The following DYNC2LI1 variants were observed in gnomAD, a reference collection of about 807,000 sequenced individuals.
DYNC2LI1 encodes dynein cytoplasmic 2 light intermediate chain 1.
DYNC2LI1 carries 45 observed loss-of-function variants against 51.9 expected under a neutral mutation model. The ratio of observed to expected loss-of-function variants is 0.87; its 90% CI spans 0.68 to 1.11. The LOEUF (loss-of-function observed/expected upper bound fraction) is 1.11. Ranked by LOEUF, DYNC2LI1 falls within the 50% of genes most tolerant of loss-of-function variation. The probability of loss-of-function intolerance (pLI) is 0.00; values close to 1 mark genes in which losing one functional copy is unlikely to be tolerated. For synonymous variants in DYNC2LI1, 130 were observed against 137.8 expected (o/e 0.94, Z 0.40); for missense variants, 490 against 417.4 (o/e 1.17, Z -1.51).
intron 12 of DYNC2LI1, among the ~76,000 whole-genome samples, chr2:43,807,502 AGAT>A (rs755488753): frequency 3.3e-5 from 5 of 151,684 alleles, no homozygotes; most frequent in Non-Finnish European, 5.9e-5. Context: ...TGCAATGGGG[AGAT>A]CATGGCTCAC....
chr2:43,793,019 A>C (rs1258753943), intron 5 of DYNC2LI1: 3 of 366,714 alleles, frequency 8.2e-6, no homozygotes, highest in African/African-American at 4.3e-5. Context: ...TTAGACTCAG[A>C]AGTGGAATTG....
chr2:43,792,665 T>A, intron 5 of DYNC2LI1: 1 of 1,540,214 alleles, frequency 6.5e-7, no homozygotes, highest in Non-Finnish European at 8.7e-7. Context: ...TCCTTGTTTT[T>A]CCTTCCCCAG....
chr2:43,795,571 A>G (rs149885841), intron 6 of DYNC2LI1, among the ~76,000 whole-genome samples: 267 of 152,304 alleles, frequency 1.8e-3, no homozygotes, highest in African/African-American at 5.8e-3. Context: ...TATGCTGGAT[A>G]AATGCTGTTC....
At position 43,795,955 on chromosome 2, in the gene DYNC2LI1, T is replaced by C. The variant is rs1674017663; in HGVS notation, c.573T>C (p.Phe191=). Residue 191 remains phenylalanine, a synonymous_variant, in exon 7 of 13, where the codon TTT becomes TTC. Coordinates refer to ENST00000260605, the MANE Select transcript of DYNC2LI1 (RefSeq NM_016008.4). ...LVIIGSKYDV[F]QDFESEKRKV... Reference sequence around the variant, plus strand: ...TAATTGGAAGTAAATATGATGTTTTTCAGGTAAGCTCTTCCGCTTCTAGCT... The same window carrying C: ...TAATTGGAAGTAAATATGATGTTTTCCAGGTAAGCTCTTCCGCTTCTAGCT... The C allele has an allele frequency of 6.2e-7, 1 of 1,612,016 alleles. No homozygotes were observed. The highest frequency in any genetic ancestry group is 8.5e-7 in the Non-Finnish European group (1 of 1,178,232).
At chr2:43,817,595 G>A in the DYNC2LI1 span, among the ~76,000 whole-genome samples, 2 of 151,930 alleles carry the variant, frequency 1.3e-5, no homozygotes, top group African/African-American at 4.8e-5. Context: ...CCCATCATAA[G>A]TTGAAAATAT....
chr2:43,809,460 T>C (rs1666401184), intron 12 of DYNC2LI1, among the ~76,000 whole-genome samples: 1 of 152,230 alleles, frequency 6.6e-6, no homozygotes, highest in Non-Finnish European at 1.5e-5. Flanking sequence ...GTACATAATT[T>C]TGTCTGAAAG....
Position 43,804,626 on chromosome 2 carries a change from A to C in DYNC2LI1, c.803-16A>C. On this transcript the variant is annotated splice_polypyrimidine_tract_variant and intron_variant, in intron 10 of 12. Coordinates refer to ENST00000260605, the MANE Select transcript of DYNC2LI1 (RefSeq NM_016008.4). ...TTAATCATTGCAGTCATTTGTGGTA[A>C]AACTTGCTATTTTAGGATCTCCTCC... 2 of 1,527,226 alleles carry C rather than the reference A, an allele frequency of 1.3e-6. No individual in the cohort carries two copies. Among genetic ancestry groups the C allele is most frequent in the Non-Finnish European group, 1.8e-6 (2 of 1,125,270 alleles). 94.6% of individuals were successfully genotyped at this position (1,527,226 alleles called of 1,614,324 possible). A position where few individuals can be genotyped will look rare whatever the true frequency, so the allele number is the denominator to read the frequency against.
At position 43,776,826 on chromosome 2, in the gene DYNC2LI1, G is replaced by A. The variant is rs1400338612; in HGVS notation, c.53G>A (p.Gly18Glu). 7 of 1,601,124 alleles carry A rather than the reference G, an allele frequency of 4.4e-6. No individual in the cohort carries two copies. The highest frequency in any genetic ancestry group is 6.0e-6 in the Non-Finnish European group (7 of 1,173,994). Residue 18 changes from glycine (G) to glutamate (E), a missense_variant, in exon 2 of 13, where the codon GGA becomes GAA. Coordinates refer to ENST00000260605, the MANE Select transcript of DYNC2LI1 (RefSeq NM_016008.4). Reference sequence around the variant, plus strand: ...GCAAAAGCTGAAGTGGAAAAAAGGGGAATTAATGGAAGTGAAGGTGATGGA... The same window carrying A: ...GCAAAAGCTGAAGTGGAAAAAAGGGAAATTAATGGAAGTGAAGGTGATGGA... Reference protein sequence around the residue: ...EIAKAEVEKRGINGSEGDGAE... With the variant: ...EIAKAEVEKREINGSEGDGAE...
At chr2:43,780,863 A>G (rs1223372449) in intron 2 of DYNC2LI1, among the ~76,000 whole-genome samples, 1 of 152,154 alleles carries the variant, frequency 6.6e-6, no homozygotes, top group East Asian at 1.9e-4. Context: ...TGGTCTCTAA[A>G]TGAACTTGTA....
the DYNC2LI1 span, chr2:43,828,177 G>C: frequency 6.2e-7 from 1 of 1,609,550 alleles, no homozygotes; most frequent in Non-Finnish European, 8.5e-7. Flanking sequence ...TCAATTCATG[G>C]GCTGGGGAGG....
At chr2:43,790,760 A>G (rs566729050) in intron 5 of DYNC2LI1, among the ~76,000 whole-genome samples, 3 of 152,336 alleles carry the variant, frequency 2.0e-5, no homozygotes, top group South Asian at 4.1e-4. Context: ...TTTTATATAC[A>G]TATTTAGATC....
At chr2:43,780,814 C>G (rs996364308) in intron 2 of DYNC2LI1, among the ~76,000 whole-genome samples, 1 of 151,680 alleles carries the variant, frequency 6.6e-6, no homozygotes, top group Non-Finnish European at 1.5e-5. Context: ...ACATCTGGGG[C>G]GATTGAGGCA....
chr2:43,812,960 C>T (rs1666558721), downstream of DYNC2LI1: 2 of 654,018 alleles, frequency 3.1e-6, no homozygotes, highest in East Asian at 5.5e-5. Context: ...GCATTCAAGG[C>T]CTGCTTGGAT....
the DYNC2LI1 span, among the ~76,000 whole-genome samples, chr2:43,821,068 A>G: frequency 6.6e-6 from 1 of 152,300 alleles, no homozygotes; most frequent in South Asian, 2.1e-4. Context: ...ACCATTAGGC[A>G]TGGCTGCTCT....
intron 12 of DYNC2LI1, among the ~76,000 whole-genome samples, chr2:43,808,327 C>T (rs1029427342): frequency 2.0e-5 from 3 of 150,286 alleles, no homozygotes; most frequent in African/African-American, 7.3e-5. Context: ...AAACATTTAA[C>T]ATTTAAATTT....
Position 43,785,983 on chromosome 2 carries a change from AT to A in DYNC2LI1, c.162-1197del, listed in dbSNP as rs1379111814. ...TCTATTTTATGTGTTCTTTACCATAATAAAAAATTAAATATATATACACCAT... is the reference window on the plus strand; with the variant it reads ...TCTATTTTATGTGTTCTTTACCATAAAAAAAATTAAATATATATACACCAT... On this transcript the variant is annotated intron_variant, in intron 3 of 12. Coordinates refer to ENST00000260605, the MANE Select transcript of DYNC2LI1 (RefSeq NM_016008.4). 2.6e-5 allele frequency among the ~76,000 whole-genome samples: 4 copies of A among 152,236 alleles called. No individual in the cohort carries two copies. The East Asian group carries it at 5.8e-4, about 22-fold the overall frequency.
intron 2 of DYNC2LI1, among the ~76,000 whole-genome samples, chr2:43,780,328 G>C (rs1413213340): frequency 6.6e-6 from 1 of 152,164 alleles, no homozygotes; most frequent in Non-Finnish European, 1.5e-5. Context: ...GAGAGCTCCG[G>C]ATGTCAGGTG....
chr2:43,801,027 C>A, intron 9 of DYNC2LI1, 110 bp downstream of exon 9: 1 of 447,972 alleles, frequency 2.2e-6, no homozygotes, highest in Non-Finnish European at 3.9e-6. Flanking sequence ...AGGAAAGTGA[C>A]CCAGATGGCT....
At chr2:43,791,734 A>G (rs1673795377) in intron 5 of DYNC2LI1, among the ~76,000 whole-genome samples, 1 of 152,248 alleles carries the variant, frequency 6.6e-6, no homozygotes, top group African/African-American at 2.4e-5. Flanking sequence ...CAATATTGCC[A>G]AATACTGTTA....
Sources: gnomAD v4.1 joint callset for allele counts (sites outside exome capture counted in the v4.1 genomes callset) on GRCh38, gnomAD v4.1.1 for gene constraint, MANE v1.5 for transcripts, NCBI Gene and HGNC (gene_info 2026-07-23, HGNC 2026-07-21) for gene names.